SPDEF: variants seen among roughly 807,000 people sequenced by gnomAD.
The protein encoded by SPDEF is SAM pointed domain containing ETS transcription factor, also known as SAM pointed domain-containing Ets transcription factor.
Under a neutral mutation model 36.0 loss-of-function variants are expected in SPDEF, and 12 were observed. The ratio of observed to expected loss-of-function variants is 0.33; its 90% confidence interval spans 0.21 to 0.54. The LOEUF (loss-of-function observed/expected upper bound fraction) is 0.54. Ranked by LOEUF, SPDEF falls within the 20% of genes least tolerant of loss-of-function variation. The pLI is 0.93. For synonymous variants in SPDEF, 205 were observed against 193.0 expected (o/e 1.06, Z -0.51); for missense variants, 388 against 456.9 (o/e 0.85, Z 1.37).
At position 34,544,188 on chromosome 6, in the gene SPDEF, G is replaced by C; in HGVS notation, c.268C>G (p.Pro90Ala). 1 of 1,613,872 alleles carries C rather than the reference G, an allele frequency of 6.2e-7. No homozygotes were observed. Among genetic ancestry groups the C allele is most frequent in the Non-Finnish European group, 8.5e-7 (1 of 1,179,960 alleles). The change falls in exon 2 of 6, where the codon CCT becomes GCT. Residue 90 changes from proline to alanine, a missense_variant. Coordinates refer to ENST00000374037, the MANE Select transcript of SPDEF (RefSeq NM_012391.3). The surrounding 1 kb of genome is among the most constrained non-coding windows in gnomAD (Gnocchi z 4.4). Reference protein sequence around the residue: ...ASSREEPPEEPEQCPVIDSQA... With the variant: ...ASSREEPPEEAEQCPVIDSQA... ...CTGTCAATGACCGGGCACTGCTCAGGCTCCTCAGGTGGCTCCTCCCGACTG... is the reference window on the plus strand; with the variant it reads ...CTGTCAATGACCGGGCACTGCTCAGCCTCCTCAGGTGGCTCCTCCCGACTG...
intron 1 of SPDEF, among the ~76,000 whole-genome samples, chr6:34,551,478 T>C (rs1287776128): frequency 6.6e-6 from 1 of 152,214 alleles, no homozygotes; most frequent in Non-Finnish European, 1.5e-5. Flanking sequence ...TCCTGCTCTG[T>C]AGGCCAGGTC....
Position 34,544,044 on chromosome 6 carries a change from A to C in SPDEF, c.412T>G (p.Cys138Gly). 6.2e-7 allele frequency: 1 copy of C among 1,611,792 alleles called. No homozygotes were observed. ...CCTGCGGTGATGTTGAGCAGCTTGC[A>C]GGCCGTCTCGATGTCCTTGAGCACT... ...GEVLKDIETACKLLNITADPM... is the reference protein window; with the variant it reads ...GEVLKDIETAGKLLNITADPM... The change falls in exon 2 of 6, where the codon TGC becomes GGC. Residue 138 changes from cysteine to glycine, a missense_variant. Coordinates refer to ENST00000374037, the MANE Select transcript of SPDEF (RefSeq NM_012391.3). The surrounding 1 kb of genome is among the most constrained non-coding windows in gnomAD (Gnocchi z 4.4).
intron 2 of SPDEF, among the ~76,000 whole-genome samples, chr6:34,543,456 C>G (rs991940056): frequency 3.3e-5 from 5 of 152,138 alleles, no homozygotes; most frequent in Non-Finnish European, 5.9e-5. Flanking sequence ...CAGGTGAGAA[C>G]AGCAGGTAGG....
At position 34,552,724 on chromosome 6, in the gene SPDEF, A is replaced by G. The variant is rs1324397158; in HGVS notation, c.-30+3205T>C. 6.6e-6 allele frequency among the ~76,000 whole-genome samples: 1 copy of G among 152,232 alleles called. No homozygotes were observed. The highest frequency in any genetic ancestry group is 1.9e-4 in the East Asian group (1 of 5,192). On this transcript the variant is annotated intron_variant, in intron 1 of 5. Coordinates refer to ENST00000374037, the MANE Select transcript of SPDEF (RefSeq NM_012391.3). The surrounding 1 kb of genome is among the most constrained non-coding windows in gnomAD (Gnocchi z 4.6). Reference sequence around the variant, plus strand: ...GGACAAAGTGAAGGACTCCAACATCACAGATGAGAAAAGTCCAGAAAGAAC... The same window carrying G: ...GGACAAAGTGAAGGACTCCAACATCGCAGATGAGAAAAGTCCAGAAAGAAC...
At position 34,549,305 on chromosome 6, in the gene SPDEF, G is replaced by A. The variant is rs547886001; in HGVS notation, c.-29-4821C>T. On this transcript the variant is annotated intron_variant, in intron 1 of 5. Transcript: ENST00000374037. ...GACAGGAGCAGAATGGTGGGGTGGC[G>A]GCCAGGGGGATTAGCCACCTTGGGC... is the stretch of plus-strand genomic sequence containing the variant. 5.2e-4 allele frequency among the ~76,000 whole-genome samples: 79 copies of A among 152,316 alleles called. 1 individual carries two copies. The highest frequency in any genetic ancestry group is 1.4e-3 in the African/African-American group (60 of 41,558).
chr6:34,544,275 A>G lies in SPDEF; in HGVS notation c.181T>C (p.Ser61Pro). 1.2e-6 allele frequency: 2 copies of G among 1,613,558 alleles called. No homozygotes were observed. ...PEQGLSAFYL[S>P]YFDMLYPEDS... Reference sequence around the variant, plus strand: ...TCAGGGTACAGCATGTCAAAGTAGGAGAGGTAGAAGGCGGACAGGCCCTGC... The same window carrying G: ...TCAGGGTACAGCATGTCAAAGTAGGGGAGGTAGAAGGCGGACAGGCCCTGC... The change falls in exon 2 of 6, where the codon TCC becomes CCC. Residue 61 changes from serine to proline, a missense_variant. Ser to Pro is a moderately conservative substitution (Grantham distance 74). Coordinates refer to ENST00000374037, the MANE Select transcript of SPDEF (RefSeq NM_012391.3). The surrounding 1 kb of genome is among the most constrained non-coding windows in gnomAD (Gnocchi z 4.4).
chr6:34,552,028 G>A lies in SPDEF; in HGVS notation c.-30+3901C>T, dbSNP rs1174066685. Among the ~76,000 whole-genome samples the A allele has an allele frequency of 2.0e-5, 3 of 151,976 alleles. No individual in the cohort carries two copies. Among genetic ancestry groups the A allele is most frequent in the East Asian group, 1.9e-4 (1 of 5,180 alleles). ...ATACATTTCACTTCTCAGTGCCCCC[G>A]TCAGGCCTCTTAGCCACACCAAGGC... On this transcript the variant is annotated intron_variant, in intron 1 of 5. Transcript: ENST00000374037. The surrounding 1 kb of genome is among the most constrained non-coding windows in gnomAD (Gnocchi z 4.6).
chr6:34,539,482 C>T lies in SPDEF; in HGVS notation c.682+33G>A, dbSNP rs751762525. 1 of 1,583,126 alleles carries T rather than the reference C, an allele frequency of 6.3e-7. No individual in the cohort carries two copies. Among genetic ancestry groups the T allele is most frequent in the Admixed American group, 1.8e-5 (1 of 55,116 alleles). ...CAGCCACCCCTCCACCCCACCCGAG[C>T]CCCCGCCTCCACCCTGCCGCTGCCT... On this transcript the variant is annotated intron_variant, in intron 4 of 5. Coordinates refer to ENST00000374037, the MANE Select transcript of SPDEF (RefSeq NM_012391.3). The surrounding 1 kb of genome is among the most constrained non-coding windows in gnomAD (Gnocchi z 5.2).
intron 1 of SPDEF, among the ~76,000 whole-genome samples, chr6:34,550,620 C>G (rs1017228211): frequency 2.0e-5 from 3 of 152,328 alleles, no homozygotes; most frequent in African/African-American, 7.2e-5. Context: ...CAAAACTGTC[C>G]AGGCCAACTG....
chr6:34,539,406 C>A lies in SPDEF; in HGVS notation c.683-10G>T. 1 of 1,613,294 alleles carries A rather than the reference C, an allele frequency of 6.2e-7. No homozygotes were observed. Among genetic ancestry groups the A allele is most frequent in the South Asian group, 1.1e-5 (1 of 91,070 alleles). On this transcript the variant is annotated splice_polypyrimidine_tract_variant and intron_variant, in intron 4 of 5. Coordinates refer to ENST00000374037, the MANE Select transcript of SPDEF (RefSeq NM_012391.3). The surrounding 1 kb of genome is among the most constrained non-coding windows in gnomAD (Gnocchi z 5.2). ...TCCTCACTGGTCGAGGCTGGGTGGC[C>A]AGGGAGGGTGGCGGTGAGTGGGAAT...
intron 1 of SPDEF, among the ~76,000 whole-genome samples, chr6:34,545,506 A>G (rs967133917): frequency 2.0e-5 from 3 of 152,236 alleles, no homozygotes; most frequent in Non-Finnish European, 4.4e-5. Context: ...CCCTGAAACC[A>G]ATAGCAGAGT....
intron 2 of SPDEF, among the ~76,000 whole-genome samples, chr6:34,543,195 CAAAAAAAAAAAA>C (rs56021909): frequency 4.3e-5 from 3 of 69,140 alleles, no homozygotes; most frequent in African/African-American, 1.3e-4. Flanking sequence ...GACTCCATCT[CAAAAAAAAAAAA>C]AAAAAAAAAA....
intron 1 of SPDEF, among the ~76,000 whole-genome samples, chr6:34,548,774 C>T (rs1768002194): frequency 1.3e-5 from 2 of 152,238 alleles, no homozygotes; most frequent in Admixed American, 1.3e-4. Context: ...CCAAAGCCCT[C>T]CTGCCCCAGC....
In SPDEF at chr6:34,541,000, C is replaced by T; in HGVS notation, c.618G>A (p.Leu206=). 1 of 1,611,080 alleles carries T rather than the reference C, an allele frequency of 6.2e-7. No homozygotes were observed. The highest frequency in any genetic ancestry group is 8.5e-7 in the Non-Finnish European group (1 of 1,179,436). The change falls in exon 3 of 6, where the codon CTG becomes CTA. Residue 206 remains leucine, a synonymous_variant. Transcript: ENST00000374037. ...PLGGDVLHAH[L]DIWKSAAWMK... is the part of the protein sequence containing the mutation. Reference sequence around the variant, plus strand: ...ACATCCTACCTGACTTCCAGATGTCCAGGTGGGCGTGCAGCACATCCCCAC... The same window carrying T: ...ACATCCTACCTGACTTCCAGATGTCTAGGTGGGCGTGCAGCACATCCCCAC...
In SPDEF at chr6:34,537,957, C is replaced by G. The variant is rs775944166; in HGVS notation, c.*317G>C. The G allele has an allele frequency of 3.4e-6, 1 of 290,476 alleles. No individual in the cohort carries two copies. Among genetic ancestry groups the G allele is most frequent in the Non-Finnish European group, 6.5e-6 (1 of 152,690 alleles). The allele number at this position is 290,476 out of a possible 1,614,324, so 18.0% of individuals were successfully genotyped here. On this transcript the variant is annotated 3_prime_UTR_variant, in exon 6 of 6. Transcript: ENST00000374037. ...GGCCTGGACTGCCTGTGGCCTTTGT[C>G]GAGTCACTGCCCTTCTGTAGGCTCT... is the stretch of plus-strand genomic sequence containing the variant.
intron 2 of SPDEF, 53 bp from the exon 3 acceptor site, chr6:34,541,234 C>A: frequency 1.3e-6 from 2 of 1,501,378 alleles, no homozygotes; most frequent in Non-Finnish European, 1.8e-6. Flanking sequence ...CACCACCCTG[C>A]TGTGATGGGG....
At chr6:34,547,205 A>C (rs972575873) in intron 1 of SPDEF, among the ~76,000 whole-genome samples, 3 of 152,030 alleles carry the variant, frequency 2.0e-5, no homozygotes, top group Non-Finnish European at 2.9e-5. Context: ...GTAGGACAGG[A>C]GGCAGCTGCT....
intron 2 of SPDEF, among the ~76,000 whole-genome samples, chr6:34,543,609 C>T (rs79314039): frequency 0.053 from 8,121 of 152,242 alleles, 538 homozygotes; most frequent in African/African-American, 0.15. Context: ...GAGCCAAGAC[C>T]TGAAGGAAGT....
chr6:34,547,976 A>T (rs1332881600), intron 1 of SPDEF, among the ~76,000 whole-genome samples: 1 of 152,174 alleles, frequency 6.6e-6, no homozygotes, highest in Non-Finnish European at 1.5e-5. Context: ...GGCCTAGAGT[A>T]GGGGGGCTTG....
Sources: gnomAD v4.1 joint callset for allele counts (sites outside exome capture counted in the v4.1 genomes callset) on GRCh38, gnomAD v4.1.1 for gene constraint, Gnocchi (gnomAD v3.1) non-coding constraint, MANE v1.5 for transcripts, NCBI Gene and HGNC (gene_info 2026-07-23, HGNC 2026-07-21) for gene names.